The following ROR1 variants were observed in gnomAD, a reference collection of about 807,000 sequenced individuals.
ROR1 encodes the protein inactive tyrosine-protein kinase transmembrane receptor ROR1.
Under a neutral mutation model 78.8 loss-of-function variants are expected in ROR1, and 19 were observed. The observed-to-expected ratio is 0.24, with a 90% confidence interval of 0.17 to 0.35. ROR1 has a LOEUF of 0.35. ROR1 is among the 10% of genes least tolerant of loss of function. The pLI is 1.00. For synonymous variants in ROR1, 386 were observed against 433.6 expected (o/e 0.89, Z 1.36); for missense variants, 917 against 1,177.8 (o/e 0.78, Z 3.24).
At chr1:64,109,906 A>G (rs138495742) in intron 4 of ROR1, among the ~76,000 whole-genome samples, 1 of 152,042 alleles carries the variant, frequency 6.6e-6, no homozygotes, top group African/African-American at 2.4e-5. Context: ...TGATGTCCGA[A>G]TGTCTTATTA....
intron 1 of ROR1, among the ~76,000 whole-genome samples, chr1:64,000,764 A>G (rs1198078181): frequency 1.3e-5 from 2 of 152,156 alleles, no homozygotes; most frequent in Admixed American, 6.5e-5. Flanking sequence ...ACAATCTTTC[A>G]AAGGACCACC....
At chr1:63,969,606 T>G (rs966039630) in intron 1 of ROR1, among the ~76,000 whole-genome samples, 1 of 152,040 alleles carries the variant, frequency 6.6e-6, no homozygotes, top group African/African-American at 2.4e-5. Flanking sequence ...CCTGTCCCCA[T>G]GAATGGCCCC....
intron 1 of ROR1, among the ~76,000 whole-genome samples, chr1:63,899,723 A>C (rs2100401317): frequency 6.6e-6 from 1 of 151,974 alleles, no homozygotes; most frequent in East Asian, 2.0e-4. Context: ...AGAAAAGGAA[A>C]TGTTCTTTGC....
intron 4 of ROR1, among the ~76,000 whole-genome samples, chr1:64,060,936 T>C (rs1407764740): frequency 6.6e-6 from 1 of 152,158 alleles, no homozygotes; most frequent in Non-Finnish European, 1.5e-5. Context: ...ATTAAAACAG[T>C]GCTTGTGAAT....
intron 1 of ROR1, among the ~76,000 whole-genome samples, chr1:63,806,873 A>G (rs1380577052): frequency 1.3e-5 from 2 of 152,238 alleles, no homozygotes; most frequent in Non-Finnish European, 2.9e-5. Flanking sequence ...GAGATGGGCT[A>G]TGAATATAAT....
intron 1 of ROR1, among the ~76,000 whole-genome samples, chr1:63,867,142 G>A (rs1645221320): frequency 6.6e-6 from 1 of 152,198 alleles, no homozygotes; most frequent in African/African-American, 2.4e-5. Context: ...CTGCTGGACT[G>A]TAAACTCCTG....
Position 63,774,314 on chromosome 1 carries a change from G to T in ROR1, c.-104G>T. 1.6e-6 allele frequency: 1 copy of T among 636,768 alleles called. No homozygotes were observed. The highest frequency in any genetic ancestry group is 2.1e-5 in the South Asian group (1 of 48,168). 39.4% of individuals were successfully genotyped at this position (636,768 alleles called of 1,614,324 possible). A position where few individuals can be genotyped will look rare whatever the true frequency, so the allele number is the denominator to read the frequency against. On this transcript the variant is annotated 5_prime_UTR_variant, in exon 1 of 9. Transcript: ENST00000371079. This position sits in a 1 kb window ranked among gnomAD's most constrained non-coding sequence, Gnocchi z 5.7. ...TGCAGACGTCCCCGGCGTCCTGCGAGCGCCAGCGGCCGGGACGAGGCGGCC... is the reference window on the plus strand; with the variant it reads ...TGCAGACGTCCCCGGCGTCCTGCGATCGCCAGCGGCCGGGACGAGGCGGCC...
chr1:63,903,169 TGGATATCAGGTA>T (rs1645499670), intron 1 of ROR1, among the ~76,000 whole-genome samples: 1 of 152,190 alleles, frequency 6.6e-6, no homozygotes, highest in Non-Finnish European at 1.5e-5. Context: ...AAGGAGGGGC[TGGATATCAGGTA>T]GGAGTCTACT....
chr1:63,814,248 C>T (rs977619020), intron 1 of ROR1, among the ~76,000 whole-genome samples: 1 of 152,204 alleles, frequency 6.6e-6, no homozygotes, highest in African/African-American at 2.4e-5. Flanking sequence ...TCATCAAAAT[C>T]TCAGACTGGA....
At chr1:63,796,343 G>A (rs1644759740) in intron 1 of ROR1, among the ~76,000 whole-genome samples, 1 of 152,176 alleles carries the variant, frequency 6.6e-6, no homozygotes, top group Admixed American at 6.5e-5. Context: ...CAAGCCCTGT[G>A]TAGTGGCAGT....
At chr1:63,966,017 A>G (rs1054992035) in intron 1 of ROR1, among the ~76,000 whole-genome samples, 13 of 152,198 alleles carry the variant, frequency 8.5e-5, no homozygotes, top group African/African-American at 3.1e-4. Flanking sequence ...AACCCCTTGT[A>G]GGATTGTTAT....
chr1:63,828,104 G>GA (rs972403076), intron 1 of ROR1, among the ~76,000 whole-genome samples: 7 of 151,994 alleles, frequency 4.6e-5, no homozygotes, highest in Non-Finnish European at 8.8e-5. Context: ...GTACAAAAGA[G>GA]AAAAAAAATT....
chr1:63,975,616 A>C (rs1646153566), intron 1 of ROR1, among the ~76,000 whole-genome samples: 1 of 152,166 alleles, frequency 6.6e-6, no homozygotes, highest in South Asian at 2.1e-4. Flanking sequence ...AAATTGCTGA[A>C]CACACACGAA....
intron 4 of ROR1, among the ~76,000 whole-genome samples, chr1:64,075,861 G>A (rs10493354): frequency 0.12 from 18,702 of 152,172 alleles, 1,281 homozygotes; most frequent in African/African-American, 0.17. Flanking sequence ...CACCTTTTCA[G>A]AATGTGGTGA....
intron 4 of ROR1, among the ~76,000 whole-genome samples, chr1:64,092,860 C>G (rs538017288): frequency 6.6e-6 from 1 of 152,268 alleles, no homozygotes; most frequent in East Asian, 1.9e-4. Flanking sequence ...TGCTTCCTAC[C>G]TAGCTCAACA....
intron 4 of ROR1, among the ~76,000 whole-genome samples, chr1:64,091,744 T>A (rs1458253718): frequency 4.6e-5 from 7 of 152,128 alleles, no homozygotes; most frequent in African/African-American, 1.4e-4. Flanking sequence ...CTTGCTTCCT[T>A]TCTTCTCCAT....
rs1171469941 is a variant in ROR1 at position 64,137,378 on chromosome 1, T to C, written c.492T>C (p.Tyr164=). ...CTATGCTTTCTTTCAGAGATGAGTA[T>C]GAAGAAGATGGATTCTGTCAGCCAT... The part of the protein sequence containing the change: ...PTASPGYSDE[Y]EEDGFCQPYR... The change falls in exon 5 of 9, where the codon TAT becomes TAC. Residue 164 remains tyrosine, a synonymous_variant. Transcript: ENST00000371079. 3 of 1,613,846 alleles carry C rather than the reference T, an allele frequency of 1.9e-6. No individual in the cohort carries two copies. The highest frequency in any genetic ancestry group is 2.2e-5 in the East Asian group (1 of 44,878).
At chr1:63,994,694 G>A (rs1646323419) in intron 1 of ROR1, among the ~76,000 whole-genome samples, 1 of 152,176 alleles carries the variant, frequency 6.6e-6, no homozygotes, top group Non-Finnish European at 1.5e-5. Context: ...TCTCCCAAGT[G>A]CTTCCACCAG....
chr1:64,007,479 A>C, intron 1 of ROR1, among the ~76,000 whole-genome samples: 1 of 151,966 alleles, frequency 6.6e-6, no homozygotes, highest in African/African-American at 2.4e-5. Context: ...AAATTTTCAA[A>C]AAACAAGAAC....
Sources: gnomAD v4.1 joint callset for allele counts (sites outside exome capture counted in the v4.1 genomes callset) on GRCh38, gnomAD v4.1.1 for gene constraint, Gnocchi (gnomAD v3.1) non-coding constraint, MANE v1.5 for transcripts, NCBI Gene and HGNC (gene_info 2026-07-23, HGNC 2026-07-21) for gene names.